WLS: variants seen among roughly 807,000 people sequenced by gnomAD.
WLS encodes Wnt ligand secretion mediator, also known as protein wntless homolog.
A neutral mutation model predicts 62.8 loss-of-function variants in WLS; 23 were observed. That is an observed-to-expected ratio of 0.37 (90% CI 0.26 to 0.52). The LOEUF is 0.52. Ranked by LOEUF, WLS falls within the 20% of genes least tolerant of loss-of-function variation. The pLI is 0.92. For synonymous variants in WLS, 246 were observed against 244.1 expected (o/e 1.01, Z -0.07); for missense variants, 615 against 697.3 (o/e 0.88, Z 1.33).
At chr1:68,166,583 A>G (rs1647063019) in intron 2 of WLS, among the ~76,000 whole-genome samples, 1 of 152,246 alleles carries the variant, frequency 6.6e-6, no homozygotes, top group African/African-American at 2.4e-5. Flanking sequence ...CTAACAGCTG[A>G]ATCAAGCATA....
At chr1:68,127,560 C>T (rs12564247) in intron 11 of WLS, among the ~76,000 whole-genome samples, 37,610 of 151,448 alleles carry the variant, frequency 0.25, 4,762 homozygotes, top group East Asian at 0.39. Context: ...AACGCAACCA[C>T]GCTCAGTCTG....
At chr1:68,183,613 T>TG (rs1301126064) in intron 2 of WLS, 8 of 478,100 alleles carry the variant, frequency 1.7e-5, no homozygotes, top group Non-Finnish European at 3.4e-5. Flanking sequence ...TTGTAGATAA[T>TG]GTGAGGGGTG....
rs11290966 is a variant in WLS, at chr1:68,110,007, T to TAAAAAAAAA, written c.1511-11263_1511-11255dup. Among the ~76,000 whole-genome samples the TAAAAAAAAA allele has an allele frequency of 5.6e-4, 16 of 28,434 alleles. 1 individual carries two copies. The highest frequency in any genetic ancestry group is 2.1e-3 in the East Asian group (2 of 966). The allele number at this position is 28,434 out of a possible 152,430, so 18.7% of individuals were successfully genotyped here. A position where few individuals can be genotyped will look rare whatever the true frequency, so the allele number is the denominator to read the frequency against. ...TTGCACTGGAACACAACACAAAAAG[T>TAAAAAAAAA]AAAAAAAAAAAAAAAAAAAAAAAAA... On this transcript the variant is annotated intron_variant, in intron 11 of 11. Coordinates refer to the WLS transcript ENST00000354777.
intron 1 of WLS, chr1:68,231,848 G>C: frequency 3.9e-6 from 1 of 257,728 alleles, no homozygotes; most frequent in Non-Finnish European, 7.0e-6. Context: ...GGGGGAACGC[G>C]GGAAAAAGCG....
chr1:68,162,220 C>T (rs1570922660), intron 2 of WLS: 4 of 1,475,910 alleles, frequency 2.7e-6, no homozygotes, highest in Non-Finnish European at 3.8e-6. Flanking sequence ...GGCTGCCCCT[C>T]GTATCCTGCC....
At position 68,148,753 on chromosome 1, in the gene WLS, C is replaced by T. The variant is rs781425403; in HGVS notation, c.973-93G>A. 7.9e-6 allele frequency: 9 copies of T among 1,132,128 alleles called. No homozygotes were observed. The African/African-American group carries it at 1.1e-4, about 14-fold the overall frequency. 70.1% of individuals were successfully genotyped at this position (1,132,128 alleles called of 1,614,324 possible). On this transcript the variant is annotated intron_variant, in intron 6 of 11. Transcript: ENST00000262348. ...CAGCATTCGAAGGACACTTGCCGAC[C>T]ACCTATTGTGTATCAAGCACTATGC...
At chr1:68,220,294 C>G (rs1437922307) in intron 1 of WLS, among the ~76,000 whole-genome samples, 2 of 152,166 alleles carry the variant, frequency 1.3e-5, no homozygotes, top group Non-Finnish European at 1.5e-5. Flanking sequence ...CCTTACGAGA[C>G]ACAAGTTGAC....
At position 68,118,244 on chromosome 1, in the gene WLS, C is replaced by A. The variant is rs112039325; in HGVS notation, c.1511-19491G>T. 5.9e-5 allele frequency among the ~76,000 whole-genome samples: 9 copies of A among 152,306 alleles called. 1 individual carries two copies. The highest frequency in any genetic ancestry group is 2.2e-4 in the African/African-American group (9 of 41,560). On this transcript the variant is annotated intron_variant, in intron 11 of 11. Coordinates refer to the WLS transcript ENST00000354777. ...AAAATGGATAAAGAATCTGAACTGA[C>A]AACCTAAAAATATCAAGTCATAGGA...
At chr1:68,210,411 G>T (rs1649466576) in intron 1 of WLS, among the ~76,000 whole-genome samples, 1 of 152,218 alleles carries the variant, frequency 6.6e-6, no homozygotes, top group African/African-American at 2.4e-5. Context: ...ATTCTAAATG[G>T]AAAATCCAGC....
In WLS at chr1:68,125,966, CTAAT is replaced by C; in HGVS notation, c.*256_*259del. 1.3e-5 allele frequency: 16 copies of C among 1,237,036 alleles called. No individual in the cohort carries two copies. Among genetic ancestry groups the C allele is most frequent in the Middle Eastern group, 3.2e-4 (1 of 3,144 alleles). 76.6% of individuals were successfully genotyped at this position (1,237,036 alleles called of 1,614,324 possible). ...AGCTGCTACAGATGTTACTATGTCA[CTAAT>C]TAACAATGATCACAGAAAATGTGTC... On this transcript the variant is annotated 3_prime_UTR_variant, in exon 12 of 12. Coordinates refer to ENST00000262348, the MANE Select transcript of WLS (RefSeq NM_024911.7).
intron 11 of WLS, among the ~76,000 whole-genome samples, chr1:68,109,634 G>A (rs1646194821): frequency 6.6e-6 from 1 of 152,042 alleles, no homozygotes; most frequent in South Asian, 2.1e-4. Flanking sequence ...GCAGAGGAAA[G>A]AATTAGTGAA....
chr1:68,155,333 G>A, intron 3 of WLS, 73 bp from the exon 4 acceptor site: 1 of 1,512,474 alleles, frequency 6.6e-7, no homozygotes, highest in Non-Finnish European at 8.9e-7. Context: ...TGTTACCCTG[G>A]ATCCATAACA....
At chr1:68,105,877 G>A (rs1230026143) in intron 11 of WLS, among the ~76,000 whole-genome samples, 3 of 152,124 alleles carry the variant, frequency 2.0e-5, no homozygotes, top group Non-Finnish European at 4.4e-5. Context: ...GGAGAAAAGA[G>A]GAAAAAGGAA....
chr1:68,134,435 G>T (rs1401409530), intron 11 of WLS, among the ~76,000 whole-genome samples: 1 of 152,314 alleles, frequency 6.6e-6, no homozygotes, highest in East Asian at 1.9e-4. Context: ...TACCAAAGGA[G>T]AACTGCTAAA....
At position 68,115,092 on chromosome 1, in the gene WLS, A is replaced by T. The variant is rs529509680; in HGVS notation, c.1511-16339T>A. ...TGGGTCTCAGTCTTTGAAAATAATGATACACCCCCCACCACACCCGGTCAT... is the reference window on the plus strand; with the variant it reads ...TGGGTCTCAGTCTTTGAAAATAATGTTACACCCCCCACCACACCCGGTCAT... On this transcript the variant is annotated intron_variant, in intron 11 of 11. Transcript: ENST00000354777. Among the ~76,000 whole-genome samples, 93 of 152,156 alleles carry T rather than the reference A, an allele frequency of 6.1e-4. No individual in the cohort carries two copies. The South Asian group carries it at 6.6e-3, about 11-fold the overall frequency.
chr1:68,168,241 G>A (rs1367448), intron 2 of WLS, among the ~76,000 whole-genome samples: 55,402 of 151,794 alleles, frequency 0.36, 10,316 homozygotes, highest in East Asian at 0.51. Flanking sequence ...GGCCACTAGA[G>A]CCTTAATTGA....
At chr1:68,219,127 A>C (rs1353357061) in intron 1 of WLS, among the ~76,000 whole-genome samples, 1 of 152,224 alleles carries the variant, frequency 6.6e-6, no homozygotes, top group Non-Finnish European at 1.5e-5. Flanking sequence ...GATATTCAAA[A>C]TTTGGAAATA....
chr1:68,151,375 C>A (rs1030328137), intron 5 of WLS, among the ~76,000 whole-genome samples: 1 of 152,112 alleles, frequency 6.6e-6, no homozygotes, highest in Non-Finnish European at 1.5e-5. Context: ...TGAAATTTAT[C>A]TTGAAGAGAC....
intron 2 of WLS, among the ~76,000 whole-genome samples, chr1:68,159,790 T>C (rs564971527): frequency 4.6e-5 from 7 of 152,314 alleles, no homozygotes; most frequent in Non-Finnish European, 7.3e-5. Flanking sequence ...TTCTCAAATA[T>C]AGGATTTGCT....
Sources: allele counts gnomAD v4.1 joint callset (sites outside exome capture counted in the v4.1 genomes callset), GRCh38; gene constraint gnomAD v4.1.1; transcripts MANE v1.5; gene names NCBI Gene and HGNC (gene_info 2026-07-23, HGNC 2026-07-21).